The following STMN2 variants were observed in gnomAD, a reference collection of about 807,000 sequenced individuals.
The protein encoded by STMN2 is stathmin 2.
A neutral mutation model predicts 24.1 loss-of-function variants in STMN2; 2 were observed. The observed-to-expected ratio is 0.08, with a 90% CI of 0.03 to 0.26. The LOEUF (loss-of-function observed/expected upper bound fraction) is 0.26. Ranked by LOEUF, STMN2 falls within the 10% of genes least tolerant of loss-of-function variation. The pLI is 1.00. For synonymous variants in STMN2, 83 were observed against 77.5 expected (o/e 1.07, Z -0.37); for missense variants, 114 against 213.6 (o/e 0.53, Z 2.91).
At chr8:79,649,184 T>C (rs1390417702) in intron 3 of STMN2, among the ~76,000 whole-genome samples, 1 of 152,028 alleles carries the variant, frequency 6.6e-6, no homozygotes, top group Non-Finnish European at 1.5e-5. Flanking sequence ...GTGGTTTGTA[T>C]AGCAATGGAT....
chr8:79,632,255 C>A (rs75551623), intron 1 of STMN2, among the ~76,000 whole-genome samples: 12,583 of 152,194 alleles, frequency 0.083, 574 homozygotes, highest in East Asian at 0.17. Flanking sequence ...GTGCTTTTGT[C>A]CTTTCTGTCT....
At chr8:79,637,154 C>T (rs1055099514) in intron 2 of STMN2, among the ~76,000 whole-genome samples, 3 of 152,194 alleles carry the variant, frequency 2.0e-5, no homozygotes, top group Non-Finnish European at 4.4e-5. Flanking sequence ...AGCATATCAA[C>T]ATCCACAATA....
intron 4 of STMN2, among the ~76,000 whole-genome samples, chr8:79,660,357 C>T (rs1350059467): frequency 1.3e-5 from 2 of 152,086 alleles, no homozygotes; most frequent in African/African-American, 4.8e-5. Flanking sequence ...TAACAAATAC[C>T]AAAGGAGCTT....
At chr8:79,623,519 T>C (rs1468752937) in intron 1 of STMN2, among the ~76,000 whole-genome samples, 1 of 152,214 alleles carries the variant, frequency 6.6e-6, no homozygotes, top group Non-Finnish European at 1.5e-5. Context: ...GCTGCAGACA[T>C]ATTAAGAGAA....
intron 1 of STMN2, among the ~76,000 whole-genome samples, chr8:79,625,326 A>G (rs557094986): frequency 1.3e-5 from 2 of 152,246 alleles, no homozygotes; most frequent in South Asian, 2.1e-4. Flanking sequence ...GCCAACATGT[A>G]TTGGGTACTT....
chr8:79,655,746 A>G (rs1585909665), intron 4 of STMN2, among the ~76,000 whole-genome samples: 1 of 152,180 alleles, frequency 6.6e-6, no homozygotes, highest in Admixed American at 6.5e-5. Context: ...GCTGTCTCCC[A>G]CCTATCCCCT....
intron 3 of STMN2, among the ~76,000 whole-genome samples, chr8:79,654,136 AC>A (rs1810396562): frequency 6.6e-6 from 1 of 152,194 alleles, no homozygotes; most frequent in South Asian, 2.1e-4. Flanking sequence ...TCCAGTGATT[AC>A]CATTCACTGT....
intron 1 of STMN2, among the ~76,000 whole-genome samples, chr8:79,612,559 G>A (rs1809265939): frequency 6.6e-6 from 1 of 151,968 alleles, no homozygotes; most frequent in Non-Finnish European, 1.5e-5. Flanking sequence ...TGGAGACACA[G>A]GATGACCGGA....
chr8:79,634,992 G>A (rs1025783442), intron 1 of STMN2, among the ~76,000 whole-genome samples: 29 of 152,198 alleles, frequency 1.9e-4, no homozygotes, highest in African/African-American at 7.0e-4. Flanking sequence ...TTAGTGCACA[G>A]TATACCCATC....
At chr8:79,626,480 A>C (rs925727461) in intron 1 of STMN2, among the ~76,000 whole-genome samples, 1 of 152,240 alleles carries the variant, frequency 6.6e-6, no homozygotes, top group Admixed American at 6.5e-5. Flanking sequence ...AGGGCCAAGG[A>C]AAAGAAGTAT....
At chr8:79,647,083 C>T (rs984063504) in intron 3 of STMN2, among the ~76,000 whole-genome samples, 4 of 152,172 alleles carry the variant, frequency 2.6e-5, no homozygotes, top group Non-Finnish European at 5.9e-5. Flanking sequence ...ACATGTTCCA[C>T]CTGGCCCACG....
At chr8:79,652,559 A>C (rs1224299869) in intron 3 of STMN2, among the ~76,000 whole-genome samples, 1 of 151,992 alleles carries the variant, frequency 6.6e-6, no homozygotes, top group Non-Finnish European at 1.5e-5. Context: ...ACACACATGA[A>C]ATTGCCAAAA....
rs369768937 is a variant in STMN2 at position 79,623,063 on chromosome 8, C to T, written c.19+11849C>T. ...AGGTCTTTTCTTTCAGGGATCCTCC[C>T]GTTGCTTTCTTATCTGGATCAATTT... On this transcript the variant is annotated intron_variant, in intron 1 of 4. Transcript: ENST00000220876. Among the ~76,000 whole-genome samples the T allele has an allele frequency of 9.9e-5, 15 of 152,274 alleles. No homozygotes were observed. In the East Asian group the frequency reaches 1.2e-3, roughly 12 times the overall value.
At chr8:79,647,077 G>A (rs931195769) in intron 3 of STMN2, among the ~76,000 whole-genome samples, 1 of 152,142 alleles carries the variant, frequency 6.6e-6, no homozygotes, top group Non-Finnish European at 1.5e-5. Flanking sequence ...ATACATACAT[G>A]TTCCACCTGG....
chr8:79,626,028 C>T (rs1809646197), intron 1 of STMN2, among the ~76,000 whole-genome samples: 1 of 151,254 alleles, frequency 6.6e-6, no homozygotes, highest in Non-Finnish European at 1.5e-5. Context: ...TATTAATAAG[C>T]AATGTCTTGC....
intron 1 of STMN2, among the ~76,000 whole-genome samples, chr8:79,617,002 T>A (rs1443515501): frequency 6.6e-6 from 1 of 152,174 alleles, no homozygotes; most frequent in Non-Finnish European, 1.5e-5. Context: ...TTACTATCAT[T>A]TATGAATAGC....
intron 3 of STMN2, among the ~76,000 whole-genome samples, chr8:79,646,189 T>C (rs1420646656): frequency 6.6e-6 from 1 of 152,126 alleles, no homozygotes; most frequent in Admixed American, 6.6e-5. Flanking sequence ...CATCTGAAAT[T>C]GCACTAAGGA....
At chr8:79,650,691 T>C (rs557560473) in intron 3 of STMN2, among the ~76,000 whole-genome samples, 8 of 152,196 alleles carry the variant, frequency 5.3e-5, no homozygotes, top group Non-Finnish European at 1.2e-4. Flanking sequence ...AGCGAGGTTA[T>C]GCCTTTCTAC....
intron 3 of STMN2, among the ~76,000 whole-genome samples, chr8:79,644,348 T>G (rs1810173938): frequency 6.6e-6 from 1 of 152,242 alleles, no homozygotes; most frequent in South Asian, 2.1e-4. Flanking sequence ...CAAGAAAGTT[T>G]AATTTCAATA....
Sources: gnomAD v4.1 joint callset for allele counts (sites outside exome capture counted in the v4.1 genomes callset) on GRCh38, gnomAD v4.1.1 for gene constraint, MANE v1.5 for transcripts, NCBI Gene and HGNC (gene_info 2026-07-23, HGNC 2026-07-21) for gene names.